Variants in CADM1 observed in about 807,000 individuals in gnomAD.
The protein encoded by CADM1 is TSLC-1.
CADM1 carries 15 observed loss-of-function variants against 53.1 expected under a neutral mutation model. That is an observed-to-expected ratio of 0.28 (90% CI 0.19 to 0.44). The LOEUF (loss-of-function observed/expected upper bound fraction) is 0.44, where lower values mean the gene tolerates loss of function less well. Among genes scored for constraint, CADM1 ranks in the 20% least tolerant of loss-of-function variants. CADM1 has a pLI of 1.00. For synonymous variants in CADM1, 281 were observed against 243.0 expected (o/e 1.16, Z -1.45); for missense variants, 434 against 611.3 (o/e 0.71, Z 3.06).
At chr11:115,477,612 A>G (rs1412449796) in intron 1 of CADM1, among the ~76,000 whole-genome samples, 1 of 152,256 alleles carries the variant, frequency 6.6e-6, no homozygotes, top group African/African-American at 2.4e-5. Flanking sequence ...AGGGTCTGGA[A>G]TAGTGATTTC....
intron 1 of CADM1, among the ~76,000 whole-genome samples, chr11:115,395,643 A>C (rs1043191337): frequency 6.6e-6 from 1 of 152,196 alleles, no homozygotes; most frequent in African/African-American, 2.4e-5. Flanking sequence ...AATCGCCAGC[A>C]ATCGGAGATG....
At chr11:115,178,509 T>A in intron 11 of CADM1, 135 bp downstream of exon 11, 2 of 661,936 alleles carry the variant, frequency 3.0e-6, no homozygotes, top group East Asian at 5.9e-5. Flanking sequence ...TTCTCTTCTC[T>A]CTCTTCCAGT....
chr11:115,344,711 T>C (rs1347910783), intron 1 of CADM1, among the ~76,000 whole-genome samples: 2 of 152,112 alleles, frequency 1.3e-5, no homozygotes, highest in African/African-American at 4.8e-5. Flanking sequence ...GACACTCTAA[T>C]ACAAACCATT....
chr11:115,369,374 G>A (rs1003995252), intron 1 of CADM1, among the ~76,000 whole-genome samples: 7 of 152,090 alleles, frequency 4.6e-5, no homozygotes, highest in African/African-American at 7.2e-5. Context: ...GTGGTTAATC[G>A]GTTGTTCAGA....
intron 1 of CADM1, among the ~76,000 whole-genome samples, chr11:115,366,344 T>G (rs1366075791): frequency 6.6e-6 from 1 of 152,196 alleles, no homozygotes; most frequent in African/African-American, 2.4e-5. Flanking sequence ...GATTCTGACA[T>G]GCAAAAATAC....
Position 115,282,708 on chromosome 11 carries a change from C to G in CADM1, c.125-42288G>C, listed in dbSNP as rs566294124. 4.6e-5 allele frequency among the ~76,000 whole-genome samples: 7 copies of G among 152,262 alleles called. No homozygotes were observed. The South Asian group carries it at 1.2e-3, about 27-fold the overall frequency. ...TCCATGGAGGCTGCATTTTGGGTTT[C>G]TGGTCAACACATCTTCATACACCAA... On this transcript the variant is annotated intron_variant, in intron 1 of 11. Transcript: ENST00000331581.
chr11:115,500,492 G>A (rs1237684057), intron 1 of CADM1, among the ~76,000 whole-genome samples: 1 of 152,142 alleles, frequency 6.6e-6, no homozygotes, highest in Non-Finnish European at 1.5e-5. Flanking sequence ...TTATGTATGA[G>A]ACTAAAATGT....
intron 8 of CADM1, 73 bp downstream of exon 8, chr11:115,209,501 C>A: frequency 6.9e-6 from 11 of 1,598,976 alleles, no homozygotes; most frequent in Non-Finnish European, 9.4e-6. Context: ...GGGAACTTTT[C>A]GGCTTCTTTT....
intron 10 of CADM1, among the ~76,000 whole-genome samples, chr11:115,187,607 A>C (rs1305456088): frequency 1.3e-5 from 2 of 152,010 alleles, no homozygotes; most frequent in Admixed American, 1.3e-4. Flanking sequence ...CGCCTGGCTA[A>C]TTTTTGTGTT....
chr11:115,420,866 T>G (rs1947737609), intron 1 of CADM1, among the ~76,000 whole-genome samples: 1 of 152,188 alleles, frequency 6.6e-6, no homozygotes, highest in African/African-American at 2.4e-5. Flanking sequence ...TAAATCGTCT[T>G]ACACTGGTTC....
intron 1 of CADM1, among the ~76,000 whole-genome samples, chr11:115,271,423 C>T (rs1943295546): frequency 6.6e-6 from 1 of 152,142 alleles, no homozygotes; most frequent in Non-Finnish European, 1.5e-5. Context: ...GCTGGGACTA[C>T]AGGCGCCTAC....
At chr11:115,181,192 G>C (rs1939295790) in intron 10 of CADM1, among the ~76,000 whole-genome samples, 1 of 151,678 alleles carries the variant, frequency 6.6e-6, no homozygotes, top group African/African-American at 2.4e-5. Context: ...GAGAGACAGA[G>C]AGAGGCTCTG....
At chr11:115,408,866 T>G (rs1387594815) in intron 1 of CADM1, among the ~76,000 whole-genome samples, 1 of 152,188 alleles carries the variant, frequency 6.6e-6, no homozygotes, top group Non-Finnish European at 1.5e-5. Flanking sequence ...AAGAGAATAT[T>G]GGCAGGAACC....
chr11:115,282,528 C>T (rs1322921221), intron 1 of CADM1, among the ~76,000 whole-genome samples: 3 of 152,198 alleles, frequency 2.0e-5, no homozygotes, highest in Admixed American at 2.0e-4. Context: ...ATTCTTATCA[C>T]AACACTATAA....
chr11:115,339,783 G>A (rs931152802), intron 1 of CADM1, among the ~76,000 whole-genome samples: 3 of 152,122 alleles, frequency 2.0e-5, no homozygotes, highest in African/African-American at 2.4e-5. Flanking sequence ...TTAAGAGAGT[G>A]TATTTCCTTT....
chr11:115,429,849 A>T (rs935179104), intron 1 of CADM1, among the ~76,000 whole-genome samples: 5 of 152,154 alleles, frequency 3.3e-5, no homozygotes, highest in African/African-American at 1.2e-4. Context: ...GAGAAAACTC[A>T]GTGTGGTTTG....
intron 1 of CADM1, among the ~76,000 whole-genome samples, chr11:115,495,647 G>A (rs985827276): frequency 7.2e-5 from 11 of 152,160 alleles, no homozygotes; most frequent in Admixed American, 6.5e-4. Context: ...CTGTCCCGAT[G>A]CTGGCCTGGC....
intron 1 of CADM1, among the ~76,000 whole-genome samples, chr11:115,487,542 C>T (rs959130940): frequency 3.3e-5 from 5 of 151,734 alleles, no homozygotes; most frequent in African/African-American, 9.7e-5. Flanking sequence ...AGATCATTTT[C>T]GGTTAAAAAA....
At chr11:115,333,489 C>T (rs1421820892) in intron 1 of CADM1, 1 of 152,138 alleles carries the variant, frequency 6.6e-6, no homozygotes, top group East Asian at 1.9e-4. Context: ...ATCACAATCC[C>T]TTTGGAGAGT....
Sources: gnomAD v4.1 joint callset for allele counts (sites outside exome capture counted in the v4.1 genomes callset) on GRCh38, gnomAD v4.1.1 for gene constraint, MANE v1.5 for transcripts, NCBI Gene and HGNC (gene_info 2026-07-23, HGNC 2026-07-21) for gene names.